MLLT10: variants seen among roughly 807,000 people sequenced by gnomAD.
MLLT10 encodes the protein MLLT10 histone lysine methyltransferase DOT1L cofactor.
MLLT10 carries 30 observed loss-of-function variants against 129.1 expected under a neutral mutation model. The observed-to-expected ratio is 0.23, with a 90% confidence interval of 0.17 to 0.32. The LOEUF is 0.32. MLLT10 is among the 10% of genes least tolerant of loss of function. The probability of loss-of-function intolerance (pLI) is 1.00; values close to 1 mark genes in which losing one functional copy is unlikely to be tolerated. For missense variants in MLLT10, 1,119 were observed against 1,268.3 expected (o/e 0.88, Z 1.79); for synonymous variants, 490 against 446.4 (o/e 1.10, Z -1.23).
intron 14 of MLLT10, among the ~76,000 whole-genome samples, chr10:21,724,990 G>A (rs2057379910): frequency 1.3e-5 from 2 of 152,358 alleles, no homozygotes; most frequent in East Asian, 1.9e-4. Flanking sequence ...TCAGGGCAAA[G>A]CTGTGATTCG....
chr10:21,721,273 A>G (rs1348634052), intron 14 of MLLT10, among the ~76,000 whole-genome samples: 4 of 152,174 alleles, frequency 2.6e-5, no homozygotes, highest in Non-Finnish European at 5.9e-5. Context: ...CTATCTCTAG[A>G]TGATACATTG....
rs750421461 is a variant in MLLT10 at position 21,742,025 on chromosome 10, G to C, written c.*42G>C. On this transcript the variant is annotated 3_prime_UTR_variant, in exon 23 of 23. Coordinates refer to ENST00000307729, the MANE Select transcript of MLLT10 (RefSeq NM_001195626.3). Reference sequence around the variant, plus strand: ...AGAAATTGCCTATCCTGCTGTTCTAGCACTTCATCTGGCTGCCTTTGCAGT... The same window carrying C: ...AGAAATTGCCTATCCTGCTGTTCTACCACTTCATCTGGCTGCCTTTGCAGT... 1 of 1,593,794 alleles carries C rather than the reference G, an allele frequency of 6.3e-7. No homozygotes were observed. The highest frequency in any genetic ancestry group is 1.1e-5 in the South Asian group (1 of 88,868).
chr10:21,631,792 TC>T (rs1012804898), intron 8 of MLLT10, among the ~76,000 whole-genome samples: 16 of 150,976 alleles, frequency 1.1e-4, no homozygotes, highest in African/African-American at 2.9e-4. Context: ...ACCATCAGGT[TC>T]CCCCCCCAAC....
intron 5 of MLLT10, among the ~76,000 whole-genome samples, chr10:21,606,368 C>T (rs1163443678): frequency 1.3e-5 from 2 of 152,178 alleles, no homozygotes; most frequent in African/African-American, 2.4e-5. Context: ...GTCAATTTGA[C>T]ATAGAAGTCT....
intron 9 of MLLT10, among the ~76,000 whole-genome samples, chr10:21,658,840 A>AT (rs932995444): frequency 2.6e-5 from 4 of 151,638 alleles, no homozygotes; most frequent in East Asian, 1.9e-4. Flanking sequence ...ATTTTTTTGT[A>AT]TTTTTTTAGT....
Position 21,567,821 on chromosome 10 carries a change from C to CT in MLLT10, c.241-18457dup, listed in dbSNP as rs1163802842. 5.4e-3 allele frequency among the ~76,000 whole-genome samples: 741 copies of CT among 137,516 alleles called. 2 individuals are homozygous for CT. The highest frequency in any genetic ancestry group is 0.012 in the African/African-American group (474 of 37,974). The allele number at this position is 137,516 out of a possible 152,430, so 90.2% of individuals were successfully genotyped here. A position where few individuals can be genotyped will look rare whatever the true frequency, so the allele number is the denominator to read the frequency against. ...GAGAAGGCTTTTGTTGGGGCTTCTT[C>CT]TTTTTTTTTTTTTTTTGAGACAGAG... is the stretch of plus-strand genomic sequence containing the variant. On this transcript the variant is annotated intron_variant, in intron 3 of 22. Transcript: ENST00000307729.
chr10:21,592,464 G>GT lies in MLLT10; in HGVS notation c.296-2858dup, dbSNP rs1268508885. ...AGTTTTTTTTTTTTTGTTTGTTTTTGTTTTTTTTTGAGACGGAGTCTCACT... is the reference window on the plus strand; with the variant it reads ...AGTTTTTTTTTTTTTGTTTGTTTTTGTTTTTTTTTTGAGACGGAGTCTCACT... On this transcript the variant is annotated intron_variant, in intron 4 of 22. Transcript: ENST00000307729. Among the ~76,000 whole-genome samples the GT allele has an allele frequency of 3.2e-3, 439 of 138,154 alleles. 1 individual carries two copies. Among genetic ancestry groups the GT allele is most frequent in the African/African-American group, 0.011 (410 of 36,748 alleles). The allele number at this position is 138,154 out of a possible 152,430, so 90.6% of individuals were successfully genotyped here.
At chr10:21,565,463 A>T (rs2039430542) in intron 3 of MLLT10, among the ~76,000 whole-genome samples, 1 of 151,946 alleles carries the variant, frequency 6.6e-6, no homozygotes, top group Admixed American at 6.6e-5. Flanking sequence ...GCCCGCCACC[A>T]TGCCTGGTTA....
chr10:21,680,219 C>CT (rs1309406905), intron 11 of MLLT10, among the ~76,000 whole-genome samples: 9 of 150,126 alleles, frequency 6.0e-5, no homozygotes, highest in Admixed American at 4.0e-4. Context: ...TTTTTCTTTT[C>CT]TTTTTTTTTG....
chr10:21,581,627 C>T (rs2041467572), intron 3 of MLLT10, among the ~76,000 whole-genome samples: 1 of 152,138 alleles, frequency 6.6e-6, no homozygotes, highest in Non-Finnish European at 1.5e-5. Flanking sequence ...CAGTTTCCCC[C>T]ATCCTGTTCT....
In MLLT10 at chr10:21,735,171, A is replaced by C; in HGVS notation, c.2891A>C (p.Gln964Pro). 6.2e-7 allele frequency: 1 copy of C among 1,614,024 alleles called. No individual in the cohort carries two copies. Among genetic ancestry groups the C allele is most frequent in the Non-Finnish European group, 8.5e-7 (1 of 1,180,002 alleles). The change falls in exon 21 of 23, where the codon CAA becomes CCA. Residue 964 changes from glutamine to proline, a missense_variant. Gln to Pro is a moderately conservative substitution (Grantham distance 76). Around this residue, in one of 5 missense-constraint regions of MLLT10, gnomAD observed 1,004 missense variants for 1,008.7 expected, o/e 1.00. Coordinates refer to ENST00000307729, the MANE Select transcript of MLLT10 (RefSeq NM_001195626.3). ...GGACTAGGATTACTTTCTGACCAGC[A>C]ACGACAAATACTTATTCATCAACAG... ...ASGLGLLSDQ[Q>P]RQILIHQQQF... is the part of the protein sequence containing the mutation.
chr10:21,565,012 CTG>C (rs965418300), intron 3 of MLLT10, among the ~76,000 whole-genome samples: 2 of 152,094 alleles, frequency 1.3e-5, no homozygotes, highest in African/African-American at 4.8e-5. Flanking sequence ...TTTCTCCACT[CTG>C]TTCCATCAGC....
intron 13 of MLLT10, among the ~76,000 whole-genome samples, chr10:21,693,617 G>A (rs963495080): frequency 1.3e-5 from 2 of 151,932 alleles, no homozygotes; most frequent in Admixed American, 1.3e-4. Flanking sequence ...GTCTTCCTTG[G>A]ACTTAACTGT....
At chr10:21,732,864 T>C (rs1335698169) in intron 17 of MLLT10, 35 bp from the exon 18 acceptor site, 1 of 1,585,730 alleles carries the variant, frequency 6.3e-7, no homozygotes, top group South Asian at 1.1e-5. Flanking sequence ...ATGTGTGTAC[T>C]TGTCATTATT....
chr10:21,725,417 T>C, intron 14 of MLLT10, among the ~76,000 whole-genome samples: 1 of 152,198 alleles, frequency 6.6e-6, no homozygotes, highest in East Asian at 1.9e-4. Flanking sequence ...AGTTCTTCTT[T>C]TTTAAAAATT....
chr10:21,660,150 G>C (rs919219270), intron 9 of MLLT10, among the ~76,000 whole-genome samples: 3 of 151,552 alleles, frequency 2.0e-5, no homozygotes, highest in African/African-American at 7.3e-5. Flanking sequence ...ATAATTTTTT[G>C]TAGAGATAAG....
In MLLT10 at chr10:21,617,120, C is replaced by G. The variant is rs781718192; in HGVS notation, c.612C>G (p.Ser204Arg). The change falls in exon 8 of 23, where the codon AGC (serine) becomes AGG (arginine). Residue 204 changes from serine (S) to arginine (R), a missense_variant. Coordinates refer to ENST00000307729, the MANE Select transcript of MLLT10 (RefSeq NM_001195626.3). ...CKYHFSKLKKSKRGSNRSYDQ... is the reference protein window; with the variant it reads ...CKYHFSKLKKRKRGSNRSYDQ... ...TATATTTTCTTTTTTAGAAAAAGAGCAAACGGGGATCTAATAGGTCATATG... is the reference window on the plus strand; with the variant it reads ...TATATTTTCTTTTTTAGAAAAAGAGGAAACGGGGATCTAATAGGTCATATG... 1 of 1,503,518 alleles carries G rather than the reference C, an allele frequency of 6.7e-7. No homozygotes were observed. The highest frequency in any genetic ancestry group is 8.9e-7 in the Non-Finnish European group (1 of 1,120,298). The allele number at this position is 1,503,518 out of a possible 1,614,324, so 93.1% of individuals were successfully genotyped here.
At chr10:21,577,048 C>T (rs1220574397) in intron 3 of MLLT10, among the ~76,000 whole-genome samples, 2 of 152,224 alleles carry the variant, frequency 1.3e-5, no homozygotes. Flanking sequence ...CCTACTTCCC[C>T]AGCTCCTGAC....
chr10:21,730,528 G>A (rs186186438), intron 16 of MLLT10, among the ~76,000 whole-genome samples: 1 of 152,194 alleles, frequency 6.6e-6, no homozygotes, highest in Non-Finnish European at 1.5e-5. Context: ...AAGCAGAATG[G>A]TGAAACCCTT....
Sources: gnomAD v4.1 joint callset for allele counts (sites outside exome capture counted in the v4.1 genomes callset) on GRCh38, gnomAD v4.1.1 for gene constraint, gnomAD v4.1.1 regional missense constraint, MANE v1.5 for transcripts, NCBI Gene and HGNC (gene_info 2026-07-23, HGNC 2026-07-21) for gene names.